The following SMOC2 variants were observed in gnomAD, a reference collection of about 807,000 sequenced individuals.
SMOC2 encodes the protein SPARC related modular calcium binding 2.
In SMOC2, 39 loss-of-function variants were observed where a neutral mutation model predicts 61.4. That is an observed-to-expected ratio of 0.64 (90% CI 0.49 to 0.83). The LOEUF (loss-of-function observed/expected upper bound fraction) is 0.83, where lower values mean the gene tolerates loss of function less well. Ranked by LOEUF, SMOC2 falls within the 40% of genes least tolerant of loss-of-function variation. The pLI is 0.00. For synonymous variants in SMOC2, 247 were observed against 239.9 expected (o/e 1.03, Z -0.27); for missense variants, 556 against 592.9 (o/e 0.94, Z 0.65).
At chr6:168,490,403 C>G (rs117552744) in intron 1 of SMOC2, among the ~76,000 whole-genome samples, 2 of 152,152 alleles carry the variant, frequency 1.3e-5, no homozygotes, top group African/African-American at 4.8e-5. Context: ...CGTCAAGGCG[C>G]GCAGCATACA....
At chr6:168,632,402 G>A (rs2342646) in intron 9 of SMOC2, among the ~76,000 whole-genome samples, 109,846 of 152,138 alleles carry the variant, frequency 0.72, 39,787 homozygotes, top group Admixed American at 0.79. Context: ...ACCAGAAACC[G>A]TGTATGAAAA....
At chr6:168,455,693 A>G (rs1781566987) in intron 1 of SMOC2, among the ~76,000 whole-genome samples, 1 of 152,342 alleles carries the variant, frequency 6.6e-6, no homozygotes, top group South Asian at 2.1e-4. Context: ...CTGATGTTGA[A>G]TATCACAGAA....
chr6:168,630,988 C>G (rs917607278), intron 9 of SMOC2, among the ~76,000 whole-genome samples: 5 of 152,298 alleles, frequency 3.3e-5, no homozygotes, highest in African/African-American at 4.8e-5. Flanking sequence ...AATTTCACCC[C>G]GGGCCTGTGG....
intron 1 of SMOC2, among the ~76,000 whole-genome samples, chr6:168,457,286 C>G (rs530207202): frequency 6.6e-6 from 1 of 152,286 alleles, no homozygotes; most frequent in East Asian, 1.9e-4. Flanking sequence ...ACGGGGGAGT[C>G]AGAACCCAGT....
chr6:168,645,411 C>A (rs1786998643), intron 9 of SMOC2, among the ~76,000 whole-genome samples: 1 of 152,172 alleles, frequency 6.6e-6, no homozygotes, highest in East Asian at 1.9e-4. Context: ...GACAGAGAAA[C>A]CTCTGCCTTA....
intron 7 of SMOC2, among the ~76,000 whole-genome samples, chr6:168,577,211 CA>C (rs1784823672): frequency 6.6e-6 from 1 of 152,132 alleles, no homozygotes; most frequent in Admixed American, 6.5e-5. Flanking sequence ...TCTGCTGGAC[CA>C]GGATGCCTTA....
intron 7 of SMOC2, among the ~76,000 whole-genome samples, chr6:168,589,506 A>G (rs1785123303): frequency 6.6e-6 from 1 of 152,252 alleles, no homozygotes; most frequent in African/African-American, 2.4e-5. Context: ...GCCAGTGCAC[A>G]TATAGCTCAG....
chr6:168,532,229 T>C (rs78758747), intron 4 of SMOC2, among the ~76,000 whole-genome samples: 8,463 of 152,112 alleles, frequency 0.056, 419 homozygotes, highest in East Asian at 0.24. Context: ...TGTAGATGGC[T>C]TTATGCTCAG....
intron 9 of SMOC2, among the ~76,000 whole-genome samples, chr6:168,640,152 G>A (rs1325646443): frequency 1.3e-5 from 2 of 150,144 alleles, no homozygotes; most frequent in Non-Finnish European, 3.0e-5. Flanking sequence ...CCAGGTCCTC[G>A]TGGATATCAG....
chr6:168,610,971 C>CCTTCTTAAACTATG (rs1183520002), intron 9 of SMOC2, among the ~76,000 whole-genome samples: 2 of 151,652 alleles, frequency 1.3e-5, no homozygotes, highest in Admixed American at 6.6e-5. Context: ...CTTAAACCAG[C>CCTTCTTAAACTATG]CCTTCCTAAA....
intron 9 of SMOC2, among the ~76,000 whole-genome samples, chr6:168,625,944 C>A (rs1045970437): frequency 6.6e-6 from 1 of 152,192 alleles, no homozygotes; most frequent in African/African-American, 2.4e-5. Context: ...TGGCAGGAGC[C>A]TTGTTGGACC....
intron 4 of SMOC2, among the ~76,000 whole-genome samples, chr6:168,533,415 G>GA (rs901560287): frequency 2.6e-5 from 4 of 152,096 alleles, no homozygotes; most frequent in African/African-American, 9.7e-5. Flanking sequence ...AATGACTTCA[G>GA]AAAAAAATAC....
chr6:168,567,687 T>A lies in SMOC2; in HGVS notation c.637+18484T>A, dbSNP rs141851862. ...AAAGGAGAGGGAGAAACCAGAAGCA[T>A]TTCCGAGACTAGAGGACTTGATTCG... is the stretch of plus-strand genomic sequence containing the variant. On this transcript the variant is annotated intron_variant, in intron 7 of 12. Transcript: ENST00000356284. Among the ~76,000 whole-genome samples, 479 of 152,332 alleles carry A rather than the reference T, an allele frequency of 3.1e-3. 6 individuals carry two copies. The highest frequency in any genetic ancestry group is 0.011 in the African/African-American group (449 of 41,574).
intron 9 of SMOC2, among the ~76,000 whole-genome samples, chr6:168,614,947 A>ACAGCCAGCACAGGG (rs1786021795): frequency 1.1e-4 from 1 of 8,708 alleles, no homozygotes; most frequent in Non-Finnish European, 2.1e-4. Context: ...CCAGCACAGT[A>ACAGCCAGCACAGGG]CCTCTTCACA....
At chr6:168,658,333 C>A (rs12192156) in intron 11 of SMOC2, among the ~76,000 whole-genome samples, 64,441 of 152,156 alleles carry the variant, frequency 0.42, 16,541 homozygotes, top group Non-Finnish European at 0.58. Flanking sequence ...CTCTGCATTT[C>A]TGTAGAAGGC....
chr6:168,457,978 A>G (rs1781627250), intron 1 of SMOC2, among the ~76,000 whole-genome samples: 1 of 152,100 alleles, frequency 6.6e-6, no homozygotes, highest in African/African-American at 2.4e-5. Context: ...ACCTGCCACA[A>G]AGATTGGTCC....
chr6:168,538,395 C>G (rs1359967487), intron 4 of SMOC2, among the ~76,000 whole-genome samples: 4 of 124,054 alleles, frequency 3.2e-5, no homozygotes, highest in Admixed American at 1.6e-4. Context: ...TGGGGTGACC[C>G]CTGCTGGCAT....
intron 2 of SMOC2, among the ~76,000 whole-genome samples, chr6:168,516,869 C>CCTTGAA (rs1783148999): frequency 6.6e-6 from 1 of 152,052 alleles, no homozygotes; most frequent in South Asian, 2.1e-4. Flanking sequence ...CAGGGGAATC[C>CCTTGAA]CTTGAACCCG....
chr6:168,514,910 G>A (rs902573861), intron 2 of SMOC2, among the ~76,000 whole-genome samples: 3 of 152,168 alleles, frequency 2.0e-5, no homozygotes, highest in African/African-American at 7.2e-5. Flanking sequence ...GTGGAAGCTC[G>A]ACACCTGTGA....
Sources: gnomAD v4.1 joint callset for allele counts (sites outside exome capture counted in the v4.1 genomes callset) on GRCh38, gnomAD v4.1.1 for gene constraint, MANE v1.5 for transcripts, NCBI Gene and HGNC (gene_info 2026-07-23, HGNC 2026-07-21) for gene names.